PPP1R37: variants seen among roughly 807,000 people sequenced by gnomAD.
PPP1R37 encodes leucine rich repeat containing 68.
PPP1R37 carries 21 observed loss-of-function variants against 61.0 expected under a neutral mutation model. The observed-to-expected ratio is 0.34, with a 90% CI of 0.24 to 0.50. PPP1R37 has a LOEUF of 0.50. PPP1R37 is among the 20% of genes least tolerant of loss of function. The pLI, the probability that PPP1R37 is intolerant of heterozygous loss-of-function variation, is 0.98. For synonymous variants in PPP1R37, 443 were observed against 433.5 expected (o/e 1.02, Z -0.27); for missense variants, 910 against 952.7 (o/e 0.96, Z 0.59).
In PPP1R37 at chr19:45,117,993, G is replaced by C. The variant is rs551412499; in HGVS notation, c.203-20521G>C. ...TTACTGAGAGGCTGTTGGGGGTGGAGGTGCCCAGCGGTTGTTCACTGGGAA... is the reference window on the plus strand; with the variant it reads ...TTACTGAGAGGCTGTTGGGGGTGGACGTGCCCAGCGGTTGTTCACTGGGAA... On this transcript the variant is annotated intron_variant, in intron 1 of 12. Transcript: ENST00000221462. Among the ~76,000 whole-genome samples the C allele has an allele frequency of 4.6e-5, 7 of 152,352 alleles. No homozygotes were observed. The South Asian group carries it at 1.2e-3, about 27-fold the overall frequency.
intron 1 of PPP1R37, among the ~76,000 whole-genome samples, chr19:45,102,822 T>C (rs1181429206): frequency 6.6e-6 from 1 of 152,182 alleles, no homozygotes; most frequent in Non-Finnish European, 1.5e-5. Context: ...CTGCATCAAG[T>C]GTGGAGCTGA....
chr19:45,106,977 C>T (rs141908515), intron 1 of PPP1R37, among the ~76,000 whole-genome samples: 1,925 of 151,484 alleles, frequency 0.013, 47 homozygotes, highest in African/African-American at 0.044. Flanking sequence ...CCACCATGCC[C>T]GGCTAATTTT....
At chr19:45,127,352 CAAAAAAAAAAA>C (rs11295552) in intron 1 of PPP1R37, among the ~76,000 whole-genome samples, 1 of 69,680 alleles carries the variant, frequency 1.4e-5, no homozygotes, top group Admixed American at 1.6e-4. Context: ...AACTCCATCT[CAAAAAAAAAAA>C]AAAAAAAAAA....
Position 45,145,582 on chromosome 19 carries a change from C to T in PPP1R37, c.1526C>T (p.Ser509Leu), listed in dbSNP as rs757743404. Reference sequence around the variant, plus strand: ...CCCAGCCCGGACTCAGACTCAGACTCGGACTCGGATGGGGAGGAAGAGGAG... The same window carrying T: ...CCCAGCCCGGACTCAGACTCAGACTTGGACTCGGATGGGGAGGAAGAGGAG... ...PAPSPDSDSD[S>L]DSDGEEEEEE... The change falls in exon 11 of 13, where the codon TCG (serine) becomes TTG (leucine). Residue 509 changes from serine to leucine, a missense_variant. Coordinates refer to ENST00000221462, the MANE Select transcript of PPP1R37 (RefSeq NM_019121.2). The T allele has an allele frequency of 1.3e-6, 2 of 1,535,770 alleles. No individual in the cohort carries two copies. The highest frequency in any genetic ancestry group is 2.4e-5 in the East Asian group (1 of 40,884).
intron 1 of PPP1R37, among the ~76,000 whole-genome samples, chr19:45,094,213 G>A (rs1489728979): frequency 6.6e-6 from 1 of 152,148 alleles, no homozygotes; most frequent in African/African-American, 2.4e-5. Flanking sequence ...CGGACTTCTG[G>A]GTTCAAGCTG....
intron 1 of PPP1R37, among the ~76,000 whole-genome samples, chr19:45,116,647 G>A (rs559384570): frequency 2.6e-5 from 4 of 152,238 alleles, no homozygotes; most frequent in Non-Finnish European, 5.9e-5. Flanking sequence ...GGTTCTCTGG[G>A]GAGAAGGGAA....
intron 1 of PPP1R37, among the ~76,000 whole-genome samples, chr19:45,102,198 C>T (rs1397161518): frequency 1.3e-5 from 2 of 152,252 alleles, no homozygotes; most frequent in Non-Finnish European, 2.9e-5. Flanking sequence ...CCAAACCCCT[C>T]TGGTGGCTTA....
intron 1 of PPP1R37, among the ~76,000 whole-genome samples, chr19:45,099,223 G>A (rs1054081009): frequency 2.0e-5 from 3 of 152,142 alleles, no homozygotes; most frequent in African/African-American, 7.2e-5. Flanking sequence ...TTCCCTCAGA[G>A]GCCCACTCCT....
intron 4 of PPP1R37, 43 bp from the exon 5 acceptor site, chr19:45,141,279 G>A: frequency 6.0e-6 from 9 of 1,508,636 alleles, no homozygotes; most frequent in Non-Finnish European, 7.9e-6. Context: ...CTCCTCCAGG[G>A]CAGCCCAGAG....
At chr19:45,111,965 T>C (rs1391113714) in intron 1 of PPP1R37, among the ~76,000 whole-genome samples, 2 of 151,988 alleles carry the variant, frequency 1.3e-5, no homozygotes, top group African/African-American at 2.4e-5. Context: ...TGGTTTTTCT[T>C]TTCTTTCTTT....
At chr19:45,128,148 C>T (rs1968432572) in intron 1 of PPP1R37, among the ~76,000 whole-genome samples, 1 of 152,160 alleles carries the variant, frequency 6.6e-6, no homozygotes, top group South Asian at 2.1e-4. Context: ...AAGTTTCTCT[C>T]TCCCTGTCCT....
At position 45,108,241 on chromosome 19, in the gene PPP1R37, G is replaced by C. The variant is rs191499773; in HGVS notation, c.202+14714G>C. Among the ~76,000 whole-genome samples the C allele has an allele frequency of 9.2e-5, 14 of 152,142 alleles. No homozygotes were observed. The East Asian group carries it at 9.6e-4, about 10-fold the overall frequency. On this transcript the variant is annotated intron_variant, in intron 1 of 12. Coordinates refer to ENST00000221462, the MANE Select transcript of PPP1R37 (RefSeq NM_019121.2). The stretch of plus-strand genomic sequence containing the variant: ...AAACCATGGCCAGAGACAGGGTCTC[G>C]ATCTGTCCCTCAAGCTGGAGTGCAG...
At chr19:45,110,290 A>AT (rs1193706900) in intron 1 of PPP1R37, among the ~76,000 whole-genome samples, 1 of 151,204 alleles carries the variant, frequency 6.6e-6, no homozygotes, top group East Asian at 1.9e-4. Flanking sequence ...TAATTTTTGG[A>AT]TTTTTTGTAG....
intron 1 of PPP1R37, chr19:45,136,050 T>TG: frequency 6.6e-6 from 1 of 152,314 alleles, no homozygotes; most frequent in African/African-American, 2.4e-5. Context: ...TCCAAAGTGC[T>TG]GGGATTACAG....
chr19:45,144,769 C>G, intron 8 of PPP1R37, 85 bp from the exon 9 acceptor site: 3 of 1,233,678 alleles, frequency 2.4e-6, no homozygotes, highest in Non-Finnish European at 1.1e-6. Context: ...GCCTGGCTCT[C>G]TTCCCGGCTT....
intron 3 of PPP1R37, 106 bp from the exon 4 acceptor site, chr19:45,140,400 C>A (rs1968594713): frequency 1.1e-6 from 1 of 901,988 alleles, no homozygotes; most frequent in Non-Finnish European, 1.5e-6. Flanking sequence ...TCAGCCAGGG[C>A]AGGGGCTGGG....
At chr19:45,102,579 G>T (rs755908786) in intron 1 of PPP1R37, among the ~76,000 whole-genome samples, 2 of 152,230 alleles carry the variant, frequency 1.3e-5, no homozygotes, top group Admixed American at 6.5e-5. Context: ...TCCCCCGGCT[G>T]TAAGGGTTAG....
intron 1 of PPP1R37, among the ~76,000 whole-genome samples, chr19:45,097,332 G>A (rs1193499058): frequency 6.6e-6 from 1 of 151,996 alleles, no homozygotes; most frequent in Non-Finnish European, 1.5e-5. Flanking sequence ...TCTGAAGGGG[G>A]GAGACTCAGT....
chr19:45,145,902 G>A lies in PPP1R37; in HGVS notation c.1846G>A (p.Gly616Arg). 1 of 1,521,130 alleles carries A rather than the reference G, an allele frequency of 6.6e-7. No homozygotes were observed. The highest frequency in any genetic ancestry group is 8.8e-7 in the Non-Finnish European group (1 of 1,138,722). 94.2% of individuals were successfully genotyped at this position (1,521,130 alleles called of 1,614,324 possible). The change falls in exon 11 of 13, where the codon GGG becomes AGG. Residue 616 changes from glycine to arginine, a missense_variant. Physicochemically the swap from Gly to Arg is moderately radical, Grantham distance 125. Coordinates refer to ENST00000221462, the MANE Select transcript of PPP1R37 (RefSeq NM_019121.2). Reference protein sequence around the residue: ...PAGAIDTRDTGSSEPQPPPEP... With the variant: ...PAGAIDTRDTRSSEPQPPPEP... ...CGGGGCCATTGACACCCGGGACACA[G>A]GGTCCTCTGAGCCTCAGCCACCACC...
Sources: gnomAD v4.1 joint callset for allele counts (sites outside exome capture counted in the v4.1 genomes callset) on GRCh38, gnomAD v4.1.1 for gene constraint, MANE v1.5 for transcripts, NCBI Gene and HGNC (gene_info 2026-07-23, HGNC 2026-07-21) for gene names.